CSMD3: variants seen among roughly 807,000 people sequenced by gnomAD.
CSMD3 encodes the protein CUB and sushi domain-containing protein 3.
A neutral mutation model predicts 435.2 loss-of-function variants in CSMD3; 177 were observed. That is an observed-to-expected ratio of 0.41 (90% CI 0.36 to 0.46). The LOEUF is 0.46. Ranked by LOEUF, CSMD3 falls within the 20% of genes least tolerant of loss-of-function variation. The pLI is 0.34. For synonymous variants in CSMD3, 1,656 were observed against 1,520.5 expected, an observed-to-expected ratio of 1.09 and a Z score of -2.07; for missense variants, 4,265 against 4,504.6, an observed-to-expected ratio of 0.95 and a Z score of 1.52.
At chr8:112,541,985 A>C (rs1158550997) in intron 27 of CSMD3, among the ~76,000 whole-genome samples, 1 of 152,058 alleles carries the variant, frequency 6.6e-6, no homozygotes, top group Non-Finnish European at 1.5e-5. Context: ...AGATAGTTCA[A>C]TATACAAAAA....
At chr8:112,611,142 G>A (rs1432524509) in intron 22 of CSMD3, among the ~76,000 whole-genome samples, 3 of 152,150 alleles carry the variant, frequency 2.0e-5, no homozygotes, top group African/African-American at 7.2e-5. Flanking sequence ...TTTAGCTCAA[G>A]TGTTTGAAAT....
At chr8:112,610,273 G>A (rs138480667) in intron 22 of CSMD3, among the ~76,000 whole-genome samples, 8 of 151,472 alleles carry the variant, frequency 5.3e-5, no homozygotes, top group South Asian at 2.1e-4. Context: ...AAAACATTAC[G>A]TTGTATATCT....
At chr8:112,575,748 G>C (rs192469536) in intron 23 of CSMD3, among the ~76,000 whole-genome samples, 92 of 152,192 alleles carry the variant, frequency 6.0e-4, no homozygotes, top group African/African-American at 2.1e-3. Context: ...AGTAGTCATT[G>C]GGATAATGCA....
intron 10 of CSMD3, among the ~76,000 whole-genome samples, chr8:112,912,527 T>C (rs1443478063): frequency 4.6e-5 from 7 of 151,876 alleles, no homozygotes; most frequent in Non-Finnish European, 1.0e-4. Context: ...AGAAGAAAAT[T>C]GGACCTTTAT....
chr8:112,986,566 A>T (rs781042404), intron 6 of CSMD3, among the ~76,000 whole-genome samples: 5 of 152,124 alleles, frequency 3.3e-5, no homozygotes, highest in Non-Finnish European at 7.4e-5. Context: ...CCATTTTAGT[A>T]TTAAAACCAT....
intron 5 of CSMD3, among the ~76,000 whole-genome samples, chr8:113,087,863 CT>C (rs1201464812): frequency 6.6e-6 from 1 of 152,108 alleles, no homozygotes; most frequent in African/African-American, 2.4e-5. Flanking sequence ...CAAATGGGAT[CT>C]AATTAAACTA....
intron 13 of CSMD3, among the ~76,000 whole-genome samples, chr8:112,779,503 A>C (rs2078329954): frequency 6.6e-6 from 1 of 152,020 alleles, no homozygotes; most frequent in South Asian, 2.1e-4. Flanking sequence ...GACCAAGGAG[A>C]ATGAATAATT....
At chr8:112,310,341 T>A (rs1238302507) in intron 50 of CSMD3, 2 of 152,862 alleles carry the variant, frequency 1.3e-5, no homozygotes, top group African/African-American at 2.4e-5. Flanking sequence ...GGCCTCAGCC[T>A]CCCATAAAAA....
intron 1 of CSMD3, among the ~76,000 whole-genome samples, chr8:113,435,016 C>G (rs1253929604): frequency 2.6e-5 from 4 of 152,370 alleles, no homozygotes; most frequent in African/African-American, 7.2e-5. Context: ...GCGCCTCCCC[C>G]ACGCGAAGCG....
intron 22 of CSMD3, among the ~76,000 whole-genome samples, chr8:112,599,845 A>G (rs1832148887): frequency 8.6e-6 from 1 of 116,456 alleles, no homozygotes; most frequent in Admixed American, 1.1e-4. Flanking sequence ...CAGGAAGGGG[A>G]ATATCACACT....
intron 4 of CSMD3, among the ~76,000 whole-genome samples, chr8:113,119,093 G>A (rs1588108792): frequency 6.6e-6 from 1 of 152,112 alleles, no homozygotes. Context: ...ACAGAGCTGG[G>A]TTGCTTAAAA....
chr8:112,770,390 A>G (rs1441372116), intron 13 of CSMD3, among the ~76,000 whole-genome samples: 1 of 152,046 alleles, frequency 6.6e-6, no homozygotes, highest in Non-Finnish European at 1.5e-5. Context: ...CGTTCAAGGC[A>G]CCATCTTGGA....
intron 17 of CSMD3, among the ~76,000 whole-genome samples, chr8:112,656,617 T>C (rs1275728894): frequency 6.6e-6 from 1 of 152,102 alleles, no homozygotes; most frequent in African/African-American, 2.4e-5. Flanking sequence ...AACTGGACTG[T>C]TCATGAACCA....
chr8:112,333,882 A>T (rs1264112883), intron 45 of CSMD3, among the ~76,000 whole-genome samples: 1 of 152,224 alleles, frequency 6.6e-6, no homozygotes. Context: ...ATGTGGAGAT[A>T]AAATGTACAT....
At chr8:113,389,877 AG>A (rs1563773721) in intron 1 of CSMD3, among the ~76,000 whole-genome samples, 1 of 151,812 alleles carries the variant, frequency 6.6e-6, no homozygotes, top group South Asian at 2.1e-4. Flanking sequence ...CCCACCTTTA[AG>A]GATTCTTATG....
intron 25 of CSMD3, among the ~76,000 whole-genome samples, chr8:112,554,706 A>G (rs57843660): frequency 0.05 from 7,665 of 152,018 alleles, 232 homozygotes; most frequent in African/African-American, 0.089. Flanking sequence ...TTCATATTCT[A>G]TATAAAACTT....
chr8:112,739,957 C>A (rs1223585699), intron 13 of CSMD3, among the ~76,000 whole-genome samples: 1 of 151,590 alleles, frequency 6.6e-6, no homozygotes, highest in Non-Finnish European at 1.5e-5. Flanking sequence ...AAATGTGATA[C>A]CACAGGAGCA....
At chr8:112,825,026 C>A (rs2079636667) in intron 12 of CSMD3, among the ~76,000 whole-genome samples, 1 of 152,092 alleles carries the variant, frequency 6.6e-6, no homozygotes, top group African/African-American at 2.4e-5. Flanking sequence ...TTTATTTAAT[C>A]TAGTCTGCAT....
intron 2 of CSMD3, among the ~76,000 whole-genome samples, chr8:113,292,624 A>C (rs1181326405): frequency 6.6e-6 from 1 of 151,920 alleles, no homozygotes; most frequent in Admixed American, 6.6e-5. Context: ...GAGAATTTGA[A>C]ATATGCTTGT....
Sources: allele counts gnomAD v4.1 joint callset (sites outside exome capture counted in the v4.1 genomes callset), GRCh38; gene constraint gnomAD v4.1.1; transcripts MANE v1.5; gene names NCBI Gene and HGNC (gene_info 2026-07-23, HGNC 2026-07-21).